Variants in SYN3 observed in about 807,000 individuals in gnomAD.
The protein encoded by SYN3 is synapsin III, also known as synapsin-3.
A neutral mutation model predicts 65.8 loss-of-function variants in SYN3; 35 were observed. The observed-to-expected ratio is 0.53, with a 90% CI of 0.41 to 0.70. The LOEUF is 0.70. SYN3 is among the 30% of genes least tolerant of loss of function. The probability of loss-of-function intolerance (pLI) is 0.00; values close to 1 mark genes in which losing one functional copy is unlikely to be tolerated. For missense variants in SYN3, 680 were observed against 749.0 expected (o/e 0.91, Z 1.08); for synonymous variants, 270 against 292.9 (o/e 0.92, Z 0.80).
intron 6 of SYN3, 67 bp downstream of exon 6, chr22:32,864,848 A>C: frequency 1.4e-6 from 2 of 1,438,076 alleles, no homozygotes; most frequent in Non-Finnish European, 2.0e-6. Flanking sequence ...ATCCAAAGAG[A>C]CCGAGGACAA....
chr22:33,021,836 G>A (rs1178807178), intron 1 of SYN3, among the ~76,000 whole-genome samples: 2 of 144,174 alleles, frequency 1.4e-5, no homozygotes, highest in Non-Finnish European at 3.0e-5. Context: ...TTCATAGAAT[G>A]TAAGCTCCCC....
chr22:32,590,370 T>G (rs765799065), intron 7 of SYN3, among the ~76,000 whole-genome samples: 3 of 152,242 alleles, frequency 2.0e-5, no homozygotes, highest in Non-Finnish European at 4.4e-5. Flanking sequence ...AGTTGCTATA[T>G]GTAGTTGTAG....
At chr22:32,562,674 C>G (rs750439277) in intron 7 of SYN3, among the ~76,000 whole-genome samples, 12 of 152,272 alleles carry the variant, frequency 7.9e-5, no homozygotes, top group Admixed American at 3.3e-4. Context: ...AAGGAAGCAT[C>G]AGAGCCTCCC....
At chr22:32,780,999 AC>A (rs562000160) in intron 6 of SYN3, among the ~76,000 whole-genome samples, 709 of 52,132 alleles carry the variant, frequency 0.014, 4 homozygotes, top group African/African-American at 0.018. Context: ...CCTCTCTCTC[AC>A]CCCCTTCTTT....
intron 6 of SYN3, among the ~76,000 whole-genome samples, chr22:32,598,791 G>A (rs1894499): frequency 0.51 from 76,845 of 151,066 alleles, 23,394 homozygotes; most frequent in African/African-American, 0.85. Context: ...CCCAGCCATA[G>A]TTTTTTTTTT....
chr22:32,578,909 G>A (rs2058894955), intron 7 of SYN3, among the ~76,000 whole-genome samples: 1 of 152,176 alleles, frequency 6.6e-6, no homozygotes, highest in South Asian at 2.1e-4. Context: ...AGTAGCCACA[G>A]ACATTATGTG....
chr22:32,850,604 A>G lies in SYN3; in HGVS notation c.711+14311T>C, dbSNP rs567720250. Among the ~76,000 whole-genome samples, 5 of 152,286 alleles carry G rather than the reference A, an allele frequency of 3.3e-5. No individual in the cohort carries two copies. The South Asian group carries it at 1.0e-3, about 32-fold the overall frequency. On this transcript the variant is annotated intron_variant, in intron 6 of 13. Transcript: ENST00000358763. The stretch of plus-strand genomic sequence containing the variant: ...GTTTCCATCTTTAGGAACTAGAGTC[A>G]GGTTGGGAGAGAAGAGGCAGGTATG...
intron 6 of SYN3, among the ~76,000 whole-genome samples, chr22:32,629,086 C>T (rs1474595925): frequency 6.6e-6 from 1 of 152,168 alleles, no homozygotes; most frequent in African/African-American, 2.4e-5. Context: ...GAAGCTCCTC[C>T]CCTTCTGCTC....
intron 12 of SYN3, among the ~76,000 whole-genome samples, chr22:32,526,797 G>A (rs1353396830): frequency 6.6e-6 from 1 of 152,166 alleles, no homozygotes; most frequent in Admixed American, 6.5e-5. Flanking sequence ...GGGATTACAG[G>A]CCTGAGCTAC....
chr22:32,865,163 G>A (rs890892617), intron 5 of SYN3, among the ~76,000 whole-genome samples, 159 bp from the exon 6 acceptor site: 5 of 152,174 alleles, frequency 3.3e-5, no homozygotes, highest in Admixed American at 1.3e-4. Context: ...TTCCTTGGCT[G>A]GACATTCATC....
intron 6 of SYN3, among the ~76,000 whole-genome samples, chr22:32,641,335 G>A (rs1601820366): frequency 6.6e-6 from 1 of 152,094 alleles, no homozygotes; most frequent in Non-Finnish European, 1.5e-5. Flanking sequence ...GGGGCCGGGC[G>A]CGGTGGTTCA....
intron 7 of SYN3, among the ~76,000 whole-genome samples, chr22:32,573,952 T>TA (rs1223622199): frequency 6.1e-5 from 9 of 146,898 alleles, no homozygotes; most frequent in African/African-American, 2.2e-4. Context: ...TTTTTTTTTT[T>TA]ATTTTAGTAG....
chr22:32,791,431 C>T (rs955823563), intron 6 of SYN3, among the ~76,000 whole-genome samples: 6 of 151,960 alleles, frequency 3.9e-5, no homozygotes, highest in African/African-American at 2.4e-5. Flanking sequence ...GAGGGGCTGC[C>T]GACAAACTCA....
chr22:32,710,287 T>C (rs2060942408), intron 6 of SYN3, among the ~76,000 whole-genome samples: 1 of 151,604 alleles, frequency 6.6e-6, no homozygotes, highest in Admixed American at 6.6e-5. Flanking sequence ...TTTAACACCA[T>C]CCACCTTGGA....
At chr22:32,603,831 C>T (rs1379491106) in intron 6 of SYN3, among the ~76,000 whole-genome samples, 3 of 152,242 alleles carry the variant, frequency 2.0e-5, no homozygotes, top group South Asian at 2.1e-4. Flanking sequence ...CTCCCTGTCC[C>T]GCTCACATGC....
At chr22:32,742,613 A>C (rs1208332342) in intron 6 of SYN3, among the ~76,000 whole-genome samples, 1 of 152,208 alleles carries the variant, frequency 6.6e-6, no homozygotes, top group African/African-American at 2.4e-5. Context: ...ATCAGAGTAG[A>C]AAAGCAATTC....
At position 32,988,013 on chromosome 22, in the gene SYN3, T is replaced by G. The variant is rs917039704; in HGVS notation, c.312-7311A>C. 7.9e-5 allele frequency among the ~76,000 whole-genome samples: 12 copies of G among 151,518 alleles called. 1 individual carries two copies. The South Asian group carries it at 2.3e-3, about 29-fold the overall frequency. On this transcript the variant is annotated intron_variant, in intron 2 of 13. Transcript: ENST00000358763. Reference sequence around the variant, plus strand: ...ACTTCAGTTGGTAGAAAAGGCTTCTTTGAAAGACACTGAGGCCGGGAACAG... The same window carrying G: ...ACTTCAGTTGGTAGAAAAGGCTTCTGTGAAAGACACTGAGGCCGGGAACAG...
At position 32,890,934 on chromosome 22, in the gene SYN3, C is replaced by T. The variant is rs1036814527; in HGVS notation, c.462-21809G>A. On this transcript the variant is annotated intron_variant, in intron 4 of 13. Coordinates refer to ENST00000358763, the MANE Select transcript of SYN3 (RefSeq NM_003490.4). ...AATGGTAAAAACTTCATTTCCTAGA[C>T]CCCCTTGCAGCTGGGAGCCTAACAA... 1.3e-4 allele frequency among the ~76,000 whole-genome samples: 20 copies of T among 152,244 alleles called. 1 individual carries two copies. Among genetic ancestry groups the T allele is most frequent in the African/African-American group, 4.6e-4 (19 of 41,532 alleles).
chr22:32,913,867 A>G (rs1224629499), intron 4 of SYN3, among the ~76,000 whole-genome samples: 2 of 152,220 alleles, frequency 1.3e-5, no homozygotes, highest in African/African-American at 2.4e-5. Context: ...AAAAATAGCA[A>G]AAGTCTCACT....
Sources: allele counts gnomAD v4.1 joint callset (sites outside exome capture counted in the v4.1 genomes callset), GRCh38; gene constraint gnomAD v4.1.1; transcripts MANE v1.5; gene names NCBI Gene and HGNC (gene_info 2026-07-23, HGNC 2026-07-21).